DTNA: variants seen among roughly 807,000 people sequenced by gnomAD.
DTNA encodes dystrophin-related protein 3.
DTNA carries 43 observed loss-of-function variants against 100.7 expected under a neutral mutation model. The observed-to-expected ratio is 0.43, with a 90% CI of 0.33 to 0.55. The LOEUF is 0.55. DTNA is among the 20% of genes least tolerant of loss of function. DTNA has a pLI of 0.04. For synonymous variants in DTNA, 349 were observed against 347.9 expected, an observed-to-expected ratio of 1.00 and a Z score of -0.04; for missense variants, 798 against 953.9, an observed-to-expected ratio of 0.84 and a Z score of 2.15.
intron 1 of DTNA, among the ~76,000 whole-genome samples, chr18:34,677,590 G>A (rs1021593851): frequency 1.2e-4 from 19 of 152,002 alleles, no homozygotes; most frequent in Admixed American, 1.0e-3. Flanking sequence ...TTATTTCCAG[G>A]TGCTGTGGCT....
chr18:34,863,773 A>G (rs1432525666), intron 16 of DTNA, among the ~76,000 whole-genome samples, 193 bp from the exon 17 acceptor site: 2 of 152,250 alleles, frequency 1.3e-5, no homozygotes, highest in Non-Finnish European at 2.9e-5. Flanking sequence ...ATTCTGATGT[A>G]GTATGACTGC....
chr18:34,594,617 T>G (rs1196480419), intron 1 of DTNA, among the ~76,000 whole-genome samples: 1 of 152,244 alleles, frequency 6.6e-6, no homozygotes, highest in East Asian at 1.9e-4. Context: ...GAAGGGCTTC[T>G]TATGGATTTT....
chr18:34,787,636 C>A (rs954799234), intron 3 of DTNA, among the ~76,000 whole-genome samples: 4 of 152,116 alleles, frequency 2.6e-5, no homozygotes, highest in African/African-American at 9.7e-5. Context: ...TTTAAGTCAT[C>A]TCTGTGAATG....
intron 1 of DTNA, among the ~76,000 whole-genome samples, chr18:34,634,684 T>C (rs913376628): frequency 1.3e-5 from 2 of 152,142 alleles, no homozygotes; most frequent in African/African-American, 2.4e-5. Context: ...ACTCAAAAAG[T>C]GGTTGTTTCT....
chr18:34,724,585 T>G (rs2086149539), intron 1 of DTNA, among the ~76,000 whole-genome samples: 1 of 152,144 alleles, frequency 6.6e-6, no homozygotes, highest in South Asian at 2.1e-4. Context: ...AAATAGCATA[T>G]CACATGGCAA....
intron 18 of DTNA, among the ~76,000 whole-genome samples, chr18:34,877,477 A>G (rs2096829731): frequency 1.3e-5 from 2 of 152,284 alleles, no homozygotes; most frequent in Non-Finnish European, 2.9e-5. Context: ...CCCCATATGG[A>G]CAAATAATAT....
intron 1 of DTNA, among the ~76,000 whole-genome samples, chr18:34,576,565 T>C (rs918535169): frequency 1.3e-5 from 2 of 152,132 alleles, no homozygotes; most frequent in Admixed American, 1.3e-4. Flanking sequence ...TTCAAGTGAT[T>C]CTCCTGGCTT....
At chr18:34,829,128 T>C in intron 10 of DTNA, 1 of 1,614,084 alleles carries the variant, frequency 6.2e-7, no homozygotes, top group Non-Finnish European at 8.5e-7. Flanking sequence ...TGAGCTGTTC[T>C]GGTTCCTCCA....
intron 1 of DTNA, among the ~76,000 whole-genome samples, chr18:34,651,351 T>TG (rs2060420329): frequency 1.3e-5 from 2 of 151,452 alleles, no homozygotes; most frequent in African/African-American, 4.9e-5. Context: ...GTGCTTGACA[T>TG]GGTAAACACT....
intron 17 of DTNA, among the ~76,000 whole-genome samples, chr18:34,874,393 G>A (rs1039570023): frequency 1.3e-5 from 2 of 152,196 alleles, no homozygotes; most frequent in African/African-American, 2.4e-5. Flanking sequence ...AAAACAGGGA[G>A]AATATTTCCA....
chr18:34,842,367 G>GA, intron 13 of DTNA, among the ~76,000 whole-genome samples: 1 of 152,122 alleles, frequency 6.6e-6, no homozygotes, highest in South Asian at 2.1e-4. Context: ...TATGCTTTGG[G>GA]AAAAAAGACA....
intron 1 of DTNA, among the ~76,000 whole-genome samples, chr18:34,554,866 G>A (rs1325752438): frequency 1.3e-5 from 2 of 150,688 alleles, no homozygotes; most frequent in African/African-American, 4.9e-5. Flanking sequence ...CCCGGCTTTG[G>A]TATCAGAATG....
rs146400453 is a variant in DTNA, at chr18:34,875,768, T to A, written c.1903+370T>A. Among the ~76,000 whole-genome samples the A allele has an allele frequency of 2.8e-3, 421 of 152,330 alleles. 5 individuals are homozygous for A. Among genetic ancestry groups the A allele is most frequent in the African/African-American group, 9.9e-3 (412 of 41,568 alleles). ...CTTTATATTAAAGTCAAGACTGAGA[T>A]AAGTAATCACAGCTCTTTAGCAATG... On this transcript the variant is annotated intron_variant, in intron 18 of 22. Transcript: ENST00000444659.
intron 1 of DTNA, among the ~76,000 whole-genome samples, chr18:34,528,129 G>A (rs1184707844): frequency 1.3e-5 from 2 of 151,932 alleles, no homozygotes; most frequent in Non-Finnish European, 2.9e-5. Context: ...CTAATACATG[G>A]CTTCTGTGAA....
At chr18:34,675,453 G>A (rs1456002988) in intron 1 of DTNA, among the ~76,000 whole-genome samples, 1 of 151,948 alleles carries the variant, frequency 6.6e-6, no homozygotes, top group Non-Finnish European at 1.5e-5. Flanking sequence ...TATTTTTAGG[G>A]TGAATAAAAT....
chr18:34,792,127 C>T (rs1376877227), intron 3 of DTNA, among the ~76,000 whole-genome samples: 4 of 149,974 alleles, frequency 2.7e-5, no homozygotes, highest in Non-Finnish European at 5.9e-5. Flanking sequence ...TTTGCATAAT[C>T]TACTCATCTC....
intron 3 of DTNA, among the ~76,000 whole-genome samples, chr18:34,787,656 A>G (rs917636688): frequency 4.6e-5 from 7 of 152,176 alleles, no homozygotes; most frequent in Non-Finnish European, 8.8e-5. Flanking sequence ...GAAGGACTCC[A>G]TCTCCCATTA....
chr18:34,849,127 AGG>A (rs1174688398), intron 14 of DTNA, among the ~76,000 whole-genome samples: 3 of 152,236 alleles, frequency 2.0e-5, no homozygotes, highest in Non-Finnish European at 4.4e-5. Flanking sequence ...GATCCAGGAC[AGG>A]CTAAAAGTGT....
chr18:34,660,624 A>G (rs1226668144), intron 1 of DTNA, among the ~76,000 whole-genome samples: 1 of 152,062 alleles, frequency 6.6e-6, no homozygotes, highest in Non-Finnish European at 1.5e-5. Flanking sequence ...AATAAGAAAC[A>G]TTTACAATCT....
Sources: allele counts gnomAD v4.1 joint callset (sites outside exome capture counted in the v4.1 genomes callset), GRCh38; gene constraint gnomAD v4.1.1; transcripts MANE v1.5; gene names NCBI Gene and HGNC (gene_info 2026-07-23, HGNC 2026-07-21).